KCNG2: variants seen among roughly 807,000 people sequenced by gnomAD.
KCNG2 encodes potassium voltage-gated channel modifier subfamily G member 2, also known as voltage-gated potassium channel regulatory subunit KCNG2.
A neutral mutation model predicts 12.3 loss-of-function variants in KCNG2; 7 were observed. That is an observed-to-expected ratio of 0.57 (90% CI 0.32 to 1.07). The LOEUF (loss-of-function observed/expected upper bound fraction) is 1.07. Ranked by LOEUF, KCNG2 falls within the 50% of genes least tolerant of loss-of-function variation. KCNG2 has a pLI of 0.04. For synonymous variants in KCNG2, 414 were observed against 351.4 expected, an observed-to-expected ratio of 1.18 and a Z score of -1.99; for missense variants, 703 against 726.0, an observed-to-expected ratio of 0.97 and a Z score of 0.36.
At chr18:79,875,431 C>G (rs1414593919) in intron 3 of KCNG2, among the ~76,000 whole-genome samples, 1 of 152,250 alleles carries the variant, frequency 6.6e-6, no homozygotes, top group Non-Finnish European at 1.5e-5. Context: ...TGAACCTCCA[C>G]ATACAAAGAG....
intron 1 of KCNG2, among the ~76,000 whole-genome samples, chr18:79,823,424 G>A (rs896050777): frequency 2.0e-5 from 3 of 152,178 alleles, no homozygotes; most frequent in South Asian, 2.1e-4. Context: ...TGAGAGCTGT[G>A]CCCCGTGTCG....
chr18:79,837,067 G>T (rs1978333981), intron 1 of KCNG2, among the ~76,000 whole-genome samples: 1 of 152,148 alleles, frequency 6.6e-6, no homozygotes, highest in Non-Finnish European at 1.5e-5. Flanking sequence ...AAAATCAAAA[G>T]CAAGTTAGAT....
At chr18:79,840,949 AC>A (rs2123037040) in intron 1 of KCNG2, among the ~76,000 whole-genome samples, 1 of 152,338 alleles carries the variant, frequency 6.6e-6, no homozygotes, top group East Asian at 1.9e-4. Context: ...ATCATGACTT[AC>A]AATAAAACTA....
At chr18:79,867,776 C>G (rs946405974) in intron 3 of KCNG2, among the ~76,000 whole-genome samples, 2 of 152,006 alleles carry the variant, frequency 1.3e-5, no homozygotes, top group Non-Finnish European at 2.9e-5. Context: ...AGGTGGGGGT[C>G]GGGCACCCCT....
chr18:79,877,412 G>C (rs573225066), intron 3 of KCNG2, among the ~76,000 whole-genome samples: 71 of 152,270 alleles, frequency 4.7e-4, no homozygotes, highest in African/African-American at 1.5e-3. Context: ...TACACAGGCA[G>C]CAGCCAAGGG....
At chr18:79,853,905 G>T (rs988155557) in intron 1 of KCNG2, among the ~76,000 whole-genome samples, 2 of 152,356 alleles carry the variant, frequency 1.3e-5, no homozygotes, top group East Asian at 1.9e-4. Context: ...AGGGCCAAGT[G>T]GGGAGCTGGC....
intron 3 of KCNG2, among the ~76,000 whole-genome samples, chr18:79,892,142 C>T (rs749776709): frequency 1.4e-4 from 21 of 150,450 alleles, no homozygotes; most frequent in African/African-American, 4.4e-4. Flanking sequence ...CAACACAGTG[C>T]GGTATTGAAG....
chr18:79,815,628 G>A (rs1448180413), intron 1 of KCNG2, among the ~76,000 whole-genome samples: 1 of 152,148 alleles, frequency 6.6e-6, no homozygotes, highest in African/African-American at 2.4e-5. Context: ...AGCTGTCCCT[G>A]CCCACAGCAC....
chr18:79,835,414 T>C (rs1978318308), intron 1 of KCNG2, among the ~76,000 whole-genome samples: 1 of 152,344 alleles, frequency 6.6e-6, no homozygotes, highest in Non-Finnish European at 1.5e-5. Context: ...GTTGTAAAAA[T>C]ACTTCAGTGG....
chr18:79,866,052 TCTGAGGTCTGGGTG>T (rs1979516443), intron 3 of KCNG2, among the ~76,000 whole-genome samples: 2 of 110,796 alleles, frequency 1.8e-5, no homozygotes, highest in Non-Finnish European at 3.6e-5. Context: ...AGGTCTGTGT[TCTGAGGTCTGGGTG>T]CTGAGAGGTC....
intron 1 of KCNG2, among the ~76,000 whole-genome samples, chr18:79,798,811 G>T (rs927490510): frequency 2.6e-5 from 4 of 152,172 alleles, no homozygotes; most frequent in African/African-American, 9.6e-5. Context: ...TCGGATGGAC[G>T]GAGGGGGCGT....
intron 1 of KCNG2, among the ~76,000 whole-genome samples, chr18:79,814,520 G>T (rs1169783554): frequency 6.6e-6 from 1 of 152,188 alleles, no homozygotes; most frequent in African/African-American, 2.4e-5. Context: ...CCATTTGCAC[G>T]GCATTCTTGA....
At chr18:79,824,748 T>C (rs1370169106) in intron 1 of KCNG2, among the ~76,000 whole-genome samples, 1 of 152,206 alleles carries the variant, frequency 6.6e-6, no homozygotes, top group Non-Finnish European at 1.5e-5. Flanking sequence ...AAATTTATTA[T>C]TATGGTGCAT....
chr18:79,850,704 A>G lies in KCNG2; in HGVS notation c.-114-5675A>G, dbSNP rs998832412. ...TCTCTGCCTTTCTTTGGGTTTTCAC[A>G]GTAAGACAATCTGAAATTTTTTAGC... On this transcript the variant is annotated intron_variant, in intron 1 of 3. Transcript: ENST00000316249. Among the ~76,000 whole-genome samples, 5 of 152,322 alleles carry G rather than the reference A, an allele frequency of 3.3e-5. No individual in the cohort carries two copies. The East Asian group carries it at 9.6e-4, about 29-fold the overall frequency.
chr18:79,870,064 G>A (rs556467589), intron 3 of KCNG2, among the ~76,000 whole-genome samples: 3 of 152,310 alleles, frequency 2.0e-5, no homozygotes, highest in East Asian at 1.9e-4. Context: ...GGCACCGCTC[G>A]TGCTCCCCAT....
At chr18:79,809,560 C>T (rs1408937894) in intron 1 of KCNG2, among the ~76,000 whole-genome samples, 1 of 118,308 alleles carries the variant, frequency 8.5e-6, no homozygotes, top group Non-Finnish European at 1.9e-5. Flanking sequence ...GCCCAGAGTC[C>T]GCGCTCTGAG....
chr18:79,845,342 G>C (rs1978587738), intron 1 of KCNG2, among the ~76,000 whole-genome samples: 1 of 152,224 alleles, frequency 6.6e-6, no homozygotes, highest in Non-Finnish European at 1.5e-5. Context: ...TCTGTGTCTG[G>C]ATGTGTCCAT....
intron 1 of KCNG2, among the ~76,000 whole-genome samples, chr18:79,810,031 C>T (rs945127507): frequency 6.6e-6 from 1 of 152,216 alleles, no homozygotes; most frequent in South Asian, 2.1e-4. Context: ...GAGCCGCCCG[C>T]CCATTGCGCT....
At chr18:79,895,130 T>G (rs1980914978) in intron 3 of KCNG2, among the ~76,000 whole-genome samples, 1 of 151,862 alleles carries the variant, frequency 6.6e-6, no homozygotes, top group African/African-American at 2.4e-5. Context: ...TCCATTCACA[T>G]CTAATGGTAC....
Sources: allele counts gnomAD v4.1 joint callset (sites outside exome capture counted in the v4.1 genomes callset), GRCh38; gene constraint gnomAD v4.1.1; transcripts MANE v1.5; gene names NCBI Gene and HGNC (gene_info 2026-07-23, HGNC 2026-07-21).